Variants in FAM20C observed in about 807,000 individuals in gnomAD.
FAM20C encodes extracellular serine/threonine protein kinase FAM20C.
Under a neutral mutation model 51.5 loss-of-function variants are expected in FAM20C, and 40 were observed. The ratio of observed to expected loss-of-function variants is 0.78; its 90% CI spans 0.60 to 1.01. The LOEUF is 1.01. FAM20C is among the 50% of genes least tolerant of loss of function. FAM20C has a pLI of 0.00. For missense variants in FAM20C, 861 were observed against 844.7 expected, an observed-to-expected ratio of 1.02 and a Z score of -0.24; for synonymous variants, 406 against 380.6, an observed-to-expected ratio of 1.07 and a Z score of -0.78.
At chr7:253,069 G>A (rs1036075070) in intron 5 of FAM20C, among the ~76,000 whole-genome samples, 1 of 152,186 alleles carries the variant, frequency 6.6e-6, no homozygotes, top group Non-Finnish European at 1.5e-5. Flanking sequence ...TTCCTGCCAC[G>A]GTGGCCTGGG....
intron 3 of FAM20C, among the ~76,000 whole-genome samples, chr7:226,334 T>C (rs1016032888): frequency 2.0e-5 from 3 of 152,076 alleles, no homozygotes; most frequent in Admixed American, 2.0e-4. Context: ...AGGGTCACAG[T>C]GCAGGGGGTG....
chr7:250,673 G>A (rs944253012), intron 5 of FAM20C, among the ~76,000 whole-genome samples: 4 of 152,164 alleles, frequency 2.6e-5, no homozygotes, highest in Non-Finnish European at 2.9e-5. Context: ...GACCCTGACC[G>A]CACTGTCCAG....
intron 5 of FAM20C, among the ~76,000 whole-genome samples, chr7:250,429 C>T (rs964803892): frequency 2.0e-5 from 3 of 152,160 alleles, no homozygotes; most frequent in East Asian, 1.9e-4. Context: ...CACCAGGAAT[C>T]GGGGCAGAGG....
At position 204,245 on chromosome 7, in the gene FAM20C, C is replaced by G. The variant is rs916640410; in HGVS notation, c.785-4653C>G. ...AACCCCCCGGTACCCGGTGAGAAGCCGGGATGGAGCCCGTTTACGGAGCCT... is the reference window on the plus strand; with the variant it reads ...AACCCCCCGGTACCCGGTGAGAAGCGGGGATGGAGCCCGTTTACGGAGCCT... On this transcript the variant is annotated intron_variant, in intron 2 of 9. Coordinates refer to ENST00000313766, the MANE Select transcript of FAM20C (RefSeq NM_020223.4). 3.3e-5 allele frequency among the ~76,000 whole-genome samples: 5 copies of G among 152,212 alleles called. No homozygotes were observed. The East Asian group carries it at 9.6e-4, about 29-fold the overall frequency.
At chr7:236,608 C>G (rs940908792) in intron 3 of FAM20C, among the ~76,000 whole-genome samples, 2,466 of 151,958 alleles carry the variant, frequency 0.016, 123 homozygotes, top group African/African-American at 0.057. Context: ...AGCAAGCACT[C>G]TTTCTGCTCC....
chr7:197,060 C>G (rs1785906807), intron 2 of FAM20C: 1 of 165,448 alleles, frequency 6.0e-6, no homozygotes, highest in Non-Finnish European at 1.5e-5. Context: ...AACGTCCCTT[C>G]TGCCCCTGAG....
intron 2 of FAM20C, among the ~76,000 whole-genome samples, chr7:197,933 G>C (rs4916972): frequency 0.95 from 143,952 of 152,314 alleles, 68,541 homozygotes; most frequent in East Asian, 1. Context: ...CAGCTGTCCC[G>C]GGGCAGTGGT....
intron 1 of FAM20C, 126 bp from the exon 2 acceptor site, chr7:195,428 C>T: frequency 1.1e-6 from 1 of 902,606 alleles, no homozygotes; most frequent in Non-Finnish European, 1.5e-6. Context: ...AGCAGAGGCG[C>T]CTTCAACACA....
chr7:209,005 G>T (rs768884935), intron 3 of FAM20C, 29 bp downstream of exon 3: 6 of 1,560,528 alleles, frequency 3.8e-6, no homozygotes, highest in African/African-American at 2.7e-5. Context: ...GGGCTGGGGC[G>T]TGAGGAGCTG....
At chr7:244,404 C>T (rs962354419) in intron 3 of FAM20C, among the ~76,000 whole-genome samples, 1 of 152,222 alleles carries the variant, frequency 6.6e-6, no homozygotes, top group African/African-American at 2.4e-5. Flanking sequence ...CCTGGAACTG[C>T]GGGCTGACTG....
chr7:226,225 A>G (rs1047508771), intron 3 of FAM20C, among the ~76,000 whole-genome samples: 2 of 151,866 alleles, frequency 1.3e-5, no homozygotes, highest in Admixed American at 6.6e-5. Context: ...GTGTCCACGC[A>G]CCCCATGTCC....
At chr7:215,667 G>C (rs1167570816) in intron 3 of FAM20C, among the ~76,000 whole-genome samples, 3 of 3,310 alleles carry the variant, frequency 9.1e-4, no homozygotes, top group Admixed American at 3.0e-3. Context: ...GATGGAGCTG[G>C]GTGGGGAGCA....
intron 5 of FAM20C, among the ~76,000 whole-genome samples, chr7:252,949 TGCAAG>T (rs1788456527): frequency 6.6e-6 from 1 of 152,272 alleles, no homozygotes; most frequent in Non-Finnish European, 1.5e-5. Context: ...TTTGCATTTC[TGCAAG>T]GTGAGCGCCC....
At chr7:241,021 T>G (rs1265272833) in intron 3 of FAM20C, among the ~76,000 whole-genome samples, 1 of 152,160 alleles carries the variant, frequency 6.6e-6, no homozygotes, top group Non-Finnish European at 1.5e-5. Context: ...CTGGTGAGGT[T>G]TCTGCACTGA....
intron 5 of FAM20C, among the ~76,000 whole-genome samples, chr7:253,265 G>A (rs1057393462): frequency 2.6e-5 from 4 of 152,300 alleles, no homozygotes; most frequent in South Asian, 4.1e-4. Context: ...GCAGACGTCC[G>A]CCTTGCAAAA....
chr7:211,937 C>CG (rs1452842779), intron 3 of FAM20C, among the ~76,000 whole-genome samples: 1 of 152,166 alleles, frequency 6.6e-6, no homozygotes, highest in African/African-American at 2.4e-5. Flanking sequence ...ACCGCCGCCC[C>CG]CCAGGTCAGG....
intron 3 of FAM20C, among the ~76,000 whole-genome samples, chr7:217,524 C>G (rs1406219208): frequency 7.6e-6 from 1 of 132,054 alleles, no homozygotes; most frequent in African/African-American, 2.8e-5. Context: ...TGGCCTCGGG[C>G]TTGGCTTGAG....
At chr7:253,722 T>A (rs1472271210) in intron 5 of FAM20C, among the ~76,000 whole-genome samples, 1 of 137,616 alleles carries the variant, frequency 7.3e-6, no homozygotes, top group South Asian at 2.1e-4. Context: ...CTCCAAGCCC[T>A]CCTAACCCCG....
Position 193,493 on chromosome 7 carries a change from C to T in FAM20C, c.294C>T (p.Pro98=). The T allele has an allele frequency of 2.7e-6, 4 of 1,503,120 alleles. No homozygotes were observed. The highest frequency in any genetic ancestry group is 2.7e-6 in the Non-Finnish European group (3 of 1,122,766). The allele number at this position is 1,503,120 out of a possible 1,614,324, so 93.1% of individuals were successfully genotyped here. A position where few individuals can be genotyped will look rare whatever the true frequency, so the allele number is the denominator to read the frequency against. ...TCCTGCAGGACTTCAGCTCCGACCC[C>T]TCCTCCAACCTCTCGTCCCACTCGC... ...LRILQDFSSD[P]SSNLSSHSLE... Residue 98 remains proline (P), a synonymous_variant, in exon 1 of 10, where the codon CCC becomes CCT. Coordinates refer to ENST00000313766, the MANE Select transcript of FAM20C (RefSeq NM_020223.4).
Sources: gnomAD v4.1 joint callset for allele counts (sites outside exome capture counted in the v4.1 genomes callset) on GRCh38, gnomAD v4.1.1 for gene constraint, MANE v1.5 for transcripts, NCBI Gene and HGNC (gene_info 2026-07-23, HGNC 2026-07-21) for gene names.